The following FARS2 variants were observed in gnomAD, a reference collection of about 807,000 sequenced individuals.
FARS2 encodes phenylalanine--tRNA ligase, mitochondrial.
Under a neutral mutation model 46.4 loss-of-function variants are expected in FARS2, and 40 were observed. The ratio of observed to expected loss-of-function variants is 0.86; its 90% CI spans 0.67 to 1.12. The LOEUF is 1.12. Ranked by LOEUF, FARS2 falls within the 50% of genes most tolerant of loss-of-function variation. FARS2 has a pLI of 0.00. For missense variants in FARS2, 513 were observed against 567.9 expected (o/e 0.90, Z 0.98); for synonymous variants, 234 against 214.9 (o/e 1.09, Z -0.78).
intron 5 of FARS2, among the ~76,000 whole-genome samples, chr6:5,600,707 G>A (rs1034162354): frequency 6.6e-6 from 1 of 152,208 alleles, no homozygotes; most frequent in South Asian, 2.1e-4. Flanking sequence ...CAGACTGGAA[G>A]TGCTTATGAC....
chr6:5,531,235 G>T (rs1218525901), intron 4 of FARS2, among the ~76,000 whole-genome samples: 1 of 152,190 alleles, frequency 6.6e-6, no homozygotes, highest in Non-Finnish European at 1.5e-5. Flanking sequence ...ATGGTGGGGA[G>T]TGGGAGTCAA....
At chr6:5,653,070 C>T (rs1437211272) in intron 6 of FARS2, among the ~76,000 whole-genome samples, 2 of 152,176 alleles carry the variant, frequency 1.3e-5, no homozygotes, top group African/African-American at 4.8e-5. Context: ...TTTATCTCTT[C>T]TTACGTCAAA....
chr6:5,251,981 G>A, the FARS2 span, among the ~76,000 whole-genome samples: 43,362 of 151,810 alleles, frequency 0.29, 7,766 homozygotes, highest in African/African-American at 0.51. Context: ...TCCTAAACAC[G>A]AATCATTATT....
intron 4 of FARS2, among the ~76,000 whole-genome samples, chr6:5,516,040 T>C (rs1054105515): frequency 6.6e-6 from 1 of 152,184 alleles, no homozygotes; most frequent in Admixed American, 6.5e-5. Flanking sequence ...AACGAGGTTA[T>C]GTCTTGTTCT....
intron 6 of FARS2, among the ~76,000 whole-genome samples, chr6:5,747,065 C>A (rs945994604): frequency 1.3e-5 from 2 of 152,128 alleles, no homozygotes; most frequent in Non-Finnish European, 2.9e-5. Context: ...GCAGCGGTTG[C>A]AAAGGGTATG....
intron 6 of FARS2, among the ~76,000 whole-genome samples, chr6:5,757,999 T>C: frequency 6.6e-6 from 1 of 152,236 alleles, no homozygotes; most frequent in Non-Finnish European, 1.5e-5. Context: ...TCCATCAGTT[T>C]GTTATGTTAG....
rs1298161249 is a variant in FARS2 at position 5,538,610 on chromosome 6, T to C, written c.905-6570T>C. ...TTCCCAAGATCCGAAGTCATTTTCT[T>C]AAATCTAAGATCAATTTATTTCCTG... On this transcript the variant is annotated intron_variant, in intron 4 of 6. Coordinates refer to ENST00000274680, the MANE Select transcript of FARS2 (RefSeq NM_006567.5). 3.3e-5 allele frequency among the ~76,000 whole-genome samples: 5 copies of C among 152,310 alleles called. No homozygotes were observed. The East Asian group carries it at 9.6e-4, about 29-fold the overall frequency.
intron 1 of FARS2, among the ~76,000 whole-genome samples, chr6:5,330,882 G>A (rs757074847): frequency 4.1e-4 from 63 of 152,184 alleles, no homozygotes; most frequent in Non-Finnish European, 6.5e-4. Flanking sequence ...AAGGCAGGAC[G>A]ATTGCTTGAA....
intron 6 of FARS2, among the ~76,000 whole-genome samples, chr6:5,651,405 C>A (rs757975561): frequency 5.1e-4 from 77 of 152,232 alleles, no homozygotes; most frequent in Non-Finnish European, 8.5e-4. Flanking sequence ...CTCTGCCAAT[C>A]ACCAACAGGC....
intron 6 of FARS2, among the ~76,000 whole-genome samples, chr6:5,618,441 C>T (rs1403485982): frequency 6.6e-6 from 1 of 152,172 alleles, no homozygotes; most frequent in East Asian, 1.9e-4. Flanking sequence ...CCTTTCTTTG[C>T]CTAACATCAA....
intron 1 of FARS2, among the ~76,000 whole-genome samples, chr6:5,321,472 G>A (rs1769971163): frequency 6.6e-6 from 1 of 152,148 alleles, no homozygotes; most frequent in Admixed American, 6.5e-5. Context: ...AAACCTGCCT[G>A]TGTTTATTTA....
intron 4 of FARS2, among the ~76,000 whole-genome samples, chr6:5,542,218 C>T (rs1026699585): frequency 1.3e-5 from 2 of 152,156 alleles, no homozygotes; most frequent in East Asian, 3.8e-4. Flanking sequence ...GGGAATGCAG[C>T]CCAGCAGGTC....
chr6:5,294,097 A>G (rs545194928), intron 1 of FARS2, among the ~76,000 whole-genome samples: 2 of 152,342 alleles, frequency 1.3e-5, no homozygotes, highest in African/African-American at 4.8e-5. Context: ...TATAAATAAT[A>G]AAGAGGTATG....
intron 5 of FARS2, among the ~76,000 whole-genome samples, chr6:5,557,756 G>A (rs890370160): frequency 3.3e-5 from 5 of 152,062 alleles, no homozygotes; most frequent in African/African-American, 9.7e-5. Context: ...CTTAGAGCTC[G>A]CCTCCTTTAG....
chr6:5,741,644 G>T (rs1761349072), intron 6 of FARS2, among the ~76,000 whole-genome samples: 2 of 152,126 alleles, frequency 1.3e-5, no homozygotes, highest in African/African-American at 4.8e-5. Context: ...ACTTCTTTTT[G>T]TTTTTTCCTG....
At chr6:5,272,452 G>A (rs549366919) in intron 1 of FARS2, 2 of 152,112 alleles carry the variant, frequency 1.3e-5, no homozygotes, top group Non-Finnish European at 2.9e-5. Flanking sequence ...AGGAGGAAAT[G>A]CAATCAGAGA....
At position 5,311,949 on chromosome 6, in the gene FARS2, A is replaced by G. The variant is rs989064491; in HGVS notation, c.-22+50289A>G. ...AGGTTTGTCTGGGGGAGTGTAAGTT[A>G]GTTTAAATAACTTTCCGTGCATCGT... On this transcript the variant is annotated intron_variant, in intron 1 of 6. Transcript: ENST00000274680. The surrounding 1 kb of genome is among the most constrained non-coding windows in gnomAD (Gnocchi z 4.1). Among the ~76,000 whole-genome samples, 5 of 152,172 alleles carry G rather than the reference A, an allele frequency of 3.3e-5. No individual in the cohort carries two copies. Among genetic ancestry groups the G allele is most frequent in the Non-Finnish European group, 5.9e-5 (4 of 68,042 alleles).
intron 1 of FARS2, among the ~76,000 whole-genome samples, chr6:5,339,085 G>A (rs1045708827): frequency 5.3e-5 from 8 of 151,990 alleles, no homozygotes; most frequent in African/African-American, 1.9e-4. Flanking sequence ...TACACCAAAA[G>A]GATCAGAAAA....
chr6:5,714,203 G>A (rs567356496), intron 6 of FARS2, among the ~76,000 whole-genome samples: 1 of 152,292 alleles, frequency 6.6e-6, no homozygotes, highest in South Asian at 2.1e-4. Context: ...CACTTTGCTA[G>A]TTTAGGAGGC....
Sources: allele counts gnomAD v4.1 joint callset (sites outside exome capture counted in the v4.1 genomes callset), GRCh38; gene constraint gnomAD v4.1.1; non-coding constraint Gnocchi (gnomAD v3.1); transcripts MANE v1.5; gene names NCBI Gene and HGNC (gene_info 2026-07-23, HGNC 2026-07-21).